RPSA2: variants seen among roughly 807,000 people sequenced by gnomAD.
RPSA2 encodes small ribosomal subunit protein uS2B.
At chr19:23,857,503 TTTTTG>T in the RPSA2 span, among the ~76,000 whole-genome samples, 3 of 126,308 alleles carry the variant, frequency 2.4e-5, no homozygotes, top group Non-Finnish European at 1.7e-5. Context: ...TTTTTTTTTT[TTTTTG>T]AGATGGAGTT....
At chr19:23,761,923 T>TCCTTCCTTCCTTCC in the RPSA2 span, among the ~76,000 whole-genome samples, 5 of 63,516 alleles carry the variant, frequency 7.9e-5, no homozygotes, top group African/African-American at 2.8e-4. Context: ...TTTCTTTCTT[T>TCCTTCCTTCCTTCC]TTTTTTTTTT....
At chr19:23,789,883 G>A in the RPSA2 span, among the ~76,000 whole-genome samples, 1 of 151,866 alleles carries the variant, frequency 6.6e-6, no homozygotes, top group Non-Finnish European at 1.5e-5. Flanking sequence ...TCACTATGTT[G>A]TCCAGGCTGG....
At chr19:23,761,921 T>TCTCTCTCTCTCTCTCTCGCTCTCTC in the RPSA2 span, among the ~76,000 whole-genome samples, 1 of 76,142 alleles carries the variant, frequency 1.3e-5, no homozygotes, top group Non-Finnish European at 2.6e-5. Flanking sequence ...TCTTTCTTTC[T>TCTCTCTCTCTCTCTCTCGCTCTCTC]TTTTTTTTTT....
the RPSA2 span, among the ~76,000 whole-genome samples, chr19:23,860,201 A>G: frequency 2.6e-5 from 4 of 152,178 alleles, no homozygotes; most frequent in African/African-American, 7.2e-5. Flanking sequence ...AGCCCCCATC[A>G]TAATTCTAAG....
At chr19:23,832,886 A>G in the RPSA2 span, 1 of 1,570,750 alleles carries the variant, frequency 6.4e-7, no homozygotes, top group Non-Finnish European at 8.7e-7. Flanking sequence ...GAGAAACCCT[A>G]CAAATGTGAG....
chr19:23,792,116 G>A, the RPSA2 span, among the ~76,000 whole-genome samples: 1 of 152,320 alleles, frequency 6.6e-6, no homozygotes, highest in African/African-American at 2.4e-5. Context: ...GATATAAAAT[G>A]TAAGCACCTT....
chr19:23,861,202 T>C, the RPSA2 span, among the ~76,000 whole-genome samples: 1 of 152,208 alleles, frequency 6.6e-6, no homozygotes, highest in Non-Finnish European at 1.5e-5. Context: ...TTCTATGTTA[T>C]GTAAAATAAC....
the RPSA2 span, chr19:23,817,744 G>A: frequency 6.6e-6 from 1 of 152,314 alleles, no homozygotes; most frequent in East Asian, 1.9e-4. Flanking sequence ...AAGTAAGCAG[G>A]CTCACAGAAG....
At chr19:23,796,975 A>G in the RPSA2 span, among the ~76,000 whole-genome samples, 10 of 150,172 alleles carry the variant, frequency 6.7e-5, no homozygotes, top group Non-Finnish European at 1.2e-4. Context: ...TCATTCTTTT[A>G]TTTATGATGT....
At chr19:23,833,030 G>A in the RPSA2 span, 1 of 1,378,136 alleles carries the variant, frequency 7.3e-7, no homozygotes, top group South Asian at 1.3e-5. Flanking sequence ...AACCATAAGA[G>A]AATTCATACT....
chr19:23,819,346 A>T, the RPSA2 span: 3 of 152,276 alleles, frequency 2.0e-5, no homozygotes, highest in Non-Finnish European at 4.4e-5. Flanking sequence ...CCATCATAGG[A>T]TCAGCTGGGT....
the RPSA2 span, among the ~76,000 whole-genome samples, chr19:23,786,185 C>G: frequency 6.6e-6 from 1 of 152,188 alleles, no homozygotes; most frequent in African/African-American, 2.4e-5. Context: ...GGAATGAAGG[C>G]TCTCATGTGC....
the RPSA2 span, among the ~76,000 whole-genome samples, chr19:23,861,898 G>A: frequency 1.3e-5 from 2 of 152,114 alleles, no homozygotes; most frequent in Non-Finnish European, 2.9e-5. Flanking sequence ...GCACACAGGA[G>A]GTTTTCAGTT....
chr19:23,786,728 T>A, the RPSA2 span, among the ~76,000 whole-genome samples: 2 of 152,078 alleles, frequency 1.3e-5, no homozygotes, highest in Admixed American at 6.5e-5. Context: ...TTGTGACAGA[T>A]TACTGGCCTA....
At chr19:23,839,601 C>A in the RPSA2 span, among the ~76,000 whole-genome samples, 1 of 152,240 alleles carries the variant, frequency 6.6e-6, no homozygotes, top group Non-Finnish European at 1.5e-5. Context: ...AGAGTCACGC[C>A]TTCCCTGAGT....
the RPSA2 span, among the ~76,000 whole-genome samples, chr19:23,861,542 T>A: frequency 6.6e-6 from 1 of 152,154 alleles, no homozygotes; most frequent in Non-Finnish European, 1.5e-5. Flanking sequence ...CTTGGCAGTA[T>A]TTTTTCAGGG....
chr19:23,808,339 G>A, the RPSA2 span, among the ~76,000 whole-genome samples: 110 of 141,278 alleles, frequency 7.8e-4, no homozygotes, highest in Middle Eastern at 4.0e-3. Flanking sequence ...GCATGATCTC[G>A]GCTCACTGCA....
At chr19:23,836,937 G>A in the RPSA2 span, among the ~76,000 whole-genome samples, 7 of 152,210 alleles carry the variant, frequency 4.6e-5, no homozygotes, top group African/African-American at 1.7e-4. Flanking sequence ...TGAGTTATCT[G>A]TCTATTCTGC....
At chr19:23,840,662 A>G in the RPSA2 span, among the ~76,000 whole-genome samples, 1 of 152,184 alleles carries the variant, frequency 6.6e-6, no homozygotes, top group South Asian at 2.1e-4. Context: ...CACTATTAGA[A>G]ATTACAAAAC....
Sources: allele counts gnomAD v4.1 joint callset (sites outside exome capture counted in the v4.1 genomes callset), GRCh38; gene constraint gnomAD v4.1.1; transcripts MANE v1.5; gene names NCBI Gene and HGNC (gene_info 2026-07-23, HGNC 2026-07-21).